MYO3B: variants seen among roughly 807,000 people sequenced by gnomAD.
MYO3B encodes myosin IIIB, also known as myosin-IIIb.
Under a neutral mutation model 174.6 loss-of-function variants are expected in MYO3B, and 156 were observed. The observed-to-expected ratio is 0.89, with a 90% CI of 0.78 to 1.02. The LOEUF (loss-of-function observed/expected upper bound fraction) is 1.02. Among genes scored for constraint, MYO3B ranks in the 50% least tolerant of loss-of-function variants. MYO3B has a pLI of 0.00. For synonymous variants in MYO3B, 563 were observed against 569.1 expected (o/e 0.99, Z 0.15); for missense variants, 1,632 against 1,639.4 (o/e 1.00, Z 0.08).
At chr2:170,466,748 T>C in intron 25 of MYO3B, 37 bp downstream of exon 25, 1 of 1,601,622 alleles carries the variant, frequency 6.2e-7, no homozygotes, top group South Asian at 1.1e-5. Flanking sequence ...TTCTTATAAA[T>C]GTAGCTCTAC....
At chr2:170,499,879 CTG>C (rs1403349814) in intron 27 of MYO3B, 71 bp downstream of exon 27, 11 of 1,454,280 alleles carry the variant, frequency 7.6e-6, no homozygotes, top group Non-Finnish European at 1.0e-5. Context: ...GAATACTCAA[CTG>C]TTTCTCTTCT....
At chr2:170,325,948 G>A (rs1027802103) in intron 7 of MYO3B, among the ~76,000 whole-genome samples, 1 of 152,036 alleles carries the variant, frequency 6.6e-6, no homozygotes, top group African/African-American at 2.4e-5. Context: ...ATCCAGGTAG[G>A]GAGAAGTCCT....
intron 32 of MYO3B, among the ~76,000 whole-genome samples, chr2:170,620,333 C>G (rs777174729): frequency 1.4e-4 from 21 of 152,218 alleles, no homozygotes; most frequent in Non-Finnish European, 3.1e-4. Flanking sequence ...GTTTACTGTA[C>G]TGGTTAAGAG....
intron 32 of MYO3B, among the ~76,000 whole-genome samples, chr2:170,619,466 T>C (rs1232695132): frequency 2.0e-5 from 3 of 152,176 alleles, no homozygotes. Context: ...GCTGGGTGCT[T>C]GTGGCTCAAG....
At position 170,542,904 on chromosome 2, in the gene MYO3B, A is replaced by T. The variant is rs1340670181; in HGVS notation, c.3576-2A>T. 23 of 1,596,714 alleles carry T rather than the reference A, an allele frequency of 1.4e-5. No homozygotes were observed. In the East Asian group the frequency reaches 5.2e-4, roughly 36 times the overall value. On this transcript the variant is annotated splice_acceptor_variant, in intron 30 of 34. Coordinates refer to ENST00000408978, the MANE Select transcript of MYO3B (RefSeq NM_138995.5). LOFTEE classifies it high-confidence loss of function. ...AAATTATTATTATTGTTATCTTTTC[A>T]GGCATTCACAAGCCCAGAGTTCTCC...
At chr2:170,312,108 T>A (rs1414709127) in intron 7 of MYO3B, among the ~76,000 whole-genome samples, 1 of 152,238 alleles carries the variant, frequency 6.6e-6, no homozygotes, top group African/African-American at 2.4e-5. Flanking sequence ...CTATGTCTTA[T>A]TTCTTTGCAC....
chr2:170,265,289 A>G (rs1489511586), intron 7 of MYO3B, among the ~76,000 whole-genome samples: 1 of 152,240 alleles, frequency 6.6e-6, no homozygotes, highest in South Asian at 2.1e-4. Flanking sequence ...TATAAATTAC[A>G]TAGCTGGAGG....
intron 22 of MYO3B, among the ~76,000 whole-genome samples, 184 bp downstream of exon 22, chr2:170,408,028 ATC>A (rs1282552647): frequency 6.6e-6 from 1 of 152,256 alleles, no homozygotes; most frequent in African/African-American, 2.4e-5. Flanking sequence ...ATTGTGCAGC[ATC>A]CGTGTGTACA....
chr2:170,532,120 A>T (rs151086139), intron 30 of MYO3B, among the ~76,000 whole-genome samples: 1,696 of 150,288 alleles, frequency 0.011, 16 homozygotes, highest in Non-Finnish European at 0.016. Context: ...GCCTCCTGTT[A>T]TGATGTATTG....
Position 170,382,025 on chromosome 2 carries a change from G to A in MYO3B, c.981G>A (p.Arg327=), listed in dbSNP as rs190080521. Reference sequence around the variant, plus strand: ...CTTGATAAATTTCTAGGCATGAGAGGATGCATACCAGAAGACCTTATCATG... The same window carrying A: ...CTTGATAAATTTCTAGGCATGAGAGAATGCATACCAGAAGACCTTATCATG... ...QNPVAKTRHE[R]MHTRRPYHVE... Residue 327 remains arginine (R), a synonymous_variant, in exon 10 of 35, where the codon AGG becomes AGA. Transcript: ENST00000408978. 6.2e-7 allele frequency: 1 copy of A among 1,612,408 alleles called. No individual in the cohort carries two copies. Among genetic ancestry groups the A allele is most frequent in the African/African-American group, 1.3e-5 (1 of 75,042 alleles).
At position 170,422,977 on chromosome 2, in the gene MYO3B, C is replaced by CTTTTTTTTTTTTTT. The variant is rs34882424; in HGVS notation, c.2650+15141_2650+15154dup. Reference sequence around the variant, plus strand: ...TTAGACCAACCATATTTCTTTCTTTCTTTTTTTTTTTTTTTTTTTTTGAGA... The same window carrying CTTTTTTTTTTTTTT: ...TTAGACCAACCATATTTCTTTCTTTCTTTTTTTTTTTTTTTTTTTTTTTTTTTTTTTTTTTGAGA... On this transcript the variant is annotated intron_variant, in intron 22 of 34. Transcript: ENST00000408978. 2.7e-3 allele frequency among the ~76,000 whole-genome samples: 242 copies of CTTTTTTTTTTTTTT among 88,504 alleles called. 6 individuals are homozygous for CTTTTTTTTTTTTTT. Among genetic ancestry groups the CTTTTTTTTTTTTTT allele is most frequent in the Admixed American group, 4.4e-3 (25 of 5,692 alleles). 58.1% of individuals were successfully genotyped at this position (88,504 alleles called of 152,430 possible).
Position 170,607,008 on chromosome 2 carries a change from G to A in MYO3B, c.3734-44620G>A, listed in dbSNP as rs547282924. 4.6e-5 allele frequency among the ~76,000 whole-genome samples: 7 copies of A among 152,152 alleles called. No homozygotes were observed. The East Asian group carries it at 7.7e-4, about 17-fold the overall frequency. ...GCACTCCAGCCTGGGCAAAAAAAGCGAAACTCCGTCTCAAAAAATAAAATA... is the reference window on the plus strand; with the variant it reads ...GCACTCCAGCCTGGGCAAAAAAAGCAAAACTCCGTCTCAAAAAATAAAATA... On this transcript the variant is annotated intron_variant, in intron 32 of 34. Coordinates refer to ENST00000408978, the MANE Select transcript of MYO3B (RefSeq NM_138995.5).
chr2:170,589,055 A>G (rs1693662730), intron 32 of MYO3B, among the ~76,000 whole-genome samples: 1 of 152,186 alleles, frequency 6.6e-6, no homozygotes, highest in African/African-American at 2.4e-5. Context: ...AGTTACTGGA[A>G]CTGGAACAAG....
chr2:170,208,883 G>A (rs780849417), intron 3 of MYO3B, among the ~76,000 whole-genome samples: 5 of 152,076 alleles, frequency 3.3e-5, no homozygotes, highest in African/African-American at 7.2e-5. Flanking sequence ...AAGGAATTTC[G>A]GATAAGACCT....
chr2:170,209,445 A>C lies in MYO3B; in HGVS notation c.322-4934A>C, dbSNP rs577685904. On this transcript the variant is annotated intron_variant, in intron 3 of 34. Transcript: ENST00000408978. ...CTTCAGTTTTCTATGAGTTCGGTCCATTTAGTTAACTCTTGTTTGATATTC... is the reference window on the plus strand; with the variant it reads ...CTTCAGTTTTCTATGAGTTCGGTCCCTTTAGTTAACTCTTGTTTGATATTC... 3.9e-5 allele frequency among the ~76,000 whole-genome samples: 6 copies of C among 152,356 alleles called. No individual in the cohort carries two copies. In the East Asian group the frequency reaches 1.2e-3, roughly 29 times the overall value.
At chr2:170,519,393 A>G (rs368573643) in intron 29 of MYO3B, 45 bp from the exon 30 acceptor site, 27 of 1,536,280 alleles carry the variant, frequency 1.8e-5, no homozygotes, top group African/African-American at 4.1e-5. Context: ...AGCTAACCCT[A>G]CCTACTTCTG....
At chr2:170,406,812 T>G (rs1015501407) in intron 21 of MYO3B, among the ~76,000 whole-genome samples, 1 of 152,226 alleles carries the variant, frequency 6.6e-6, no homozygotes, top group Non-Finnish European at 1.5e-5. Flanking sequence ...AGGAATTCTC[T>G]GAGGGTGTTC....
At chr2:170,581,649 T>C (rs1693156781) in intron 32 of MYO3B, among the ~76,000 whole-genome samples, 1 of 152,140 alleles carries the variant, frequency 6.6e-6, no homozygotes, top group Non-Finnish European at 1.5e-5. Flanking sequence ...TGGGATGAAC[T>C]TAATTTTCTT....
Position 170,501,862 on chromosome 2 carries a change from G to A in MYO3B, c.3367G>A (p.Ala1123Thr), listed in dbSNP as rs201309976. 1.2e-6 allele frequency: 2 copies of A among 1,604,584 alleles called. No individual in the cohort carries two copies. The highest frequency in any genetic ancestry group is 1.1e-5 in the South Asian group (1 of 90,538). The change falls in exon 28 of 35, where the codon GCA (alanine) becomes ACA (threonine). Residue 1123 changes from alanine (A) to threonine (T), a missense_variant. By Grantham distance (58) the Ala-to-Thr change is moderately conservative. Transcript: ENST00000408978. ...RRNESAAHNQ[A>T]GDTSNQSSGP... ...GAATGAGTCTGCTGCTCATAATCAA[G>A]CAGGTAATTAAAACATCATTTTCAC...
Sources: gnomAD v4.1 joint callset for allele counts (sites outside exome capture counted in the v4.1 genomes callset) on GRCh38, gnomAD v4.1.1 for gene constraint, MANE v1.5 for transcripts, NCBI Gene and HGNC (gene_info 2026-07-23, HGNC 2026-07-21) for gene names.